COL26A1: variants seen among roughly 807,000 people sequenced by gnomAD.
COL26A1 encodes collagen type XXVI alpha 1 chain, also known as collagen alpha-1(XXVI) chain.
In COL26A1, 41 loss-of-function variants were observed where a neutral mutation model predicts 59.3. That is an observed-to-expected ratio of 0.69 (90% CI 0.54 to 0.90). The LOEUF (loss-of-function observed/expected upper bound fraction) is 0.90. Ranked by LOEUF, COL26A1 falls within the 40% of genes least tolerant of loss-of-function variation. The probability of loss-of-function intolerance (pLI) is 0.00; values close to 1 mark genes in which losing one functional copy is unlikely to be tolerated. For synonymous variants in COL26A1, 266 were observed against 256.0 expected, an observed-to-expected ratio of 1.04 and a Z score of -0.37; for missense variants, 612 against 602.3, an observed-to-expected ratio of 1.02 and a Z score of -0.17.
intron 2 of COL26A1, among the ~76,000 whole-genome samples, chr7:101,431,983 T>TG (rs71301279): frequency 6.6e-6 from 1 of 150,886 alleles, no homozygotes; most frequent in Non-Finnish European, 1.5e-5. Flanking sequence ...TTTTTTTTTT[T>TG]GGAGACGAAG....
chr7:101,449,092 G>T (rs764368077), intron 3 of COL26A1, among the ~76,000 whole-genome samples: 1 of 152,216 alleles, frequency 6.6e-6, no homozygotes, highest in Non-Finnish European at 1.5e-5. Context: ...CCTGATGCTG[G>T]CAGGGGAGGC....
chr7:101,513,976 C>T (rs1794977610), intron 3 of COL26A1, among the ~76,000 whole-genome samples: 1 of 152,034 alleles, frequency 6.6e-6, no homozygotes, highest in Non-Finnish European at 1.5e-5. Context: ...AGTGGGGAAA[C>T]AGAAATGGCT....
At chr7:101,455,802 C>T (rs932870475) in intron 3 of COL26A1, among the ~76,000 whole-genome samples, 1 of 152,188 alleles carries the variant, frequency 6.6e-6, no homozygotes, top group South Asian at 2.1e-4. Context: ...CCTGCCTCAG[C>T]CTCCCAAGTA....
intron 2 of COL26A1, among the ~76,000 whole-genome samples, chr7:101,428,805 GC>G (rs1157895817): frequency 6.6e-6 from 1 of 152,012 alleles, no homozygotes; most frequent in Admixed American, 6.6e-5. Flanking sequence ...ACCGCACCTG[GC>G]CCGCAAATAA....
chr7:101,477,601 C>T (rs1447898907), intron 3 of COL26A1, among the ~76,000 whole-genome samples: 1 of 152,152 alleles, frequency 6.6e-6, no homozygotes, highest in Non-Finnish European at 1.5e-5. Flanking sequence ...TCCCAGTTTT[C>T]AGTATAGTTC....
chr7:101,433,974 G>A (rs1451164099), intron 2 of COL26A1, among the ~76,000 whole-genome samples: 1 of 151,152 alleles, frequency 6.6e-6, no homozygotes, highest in East Asian at 1.9e-4. Context: ...GAGATGAAAG[G>A]AAAATAGGTA....
chr7:101,486,250 T>G (rs1794266460), intron 3 of COL26A1, among the ~76,000 whole-genome samples: 1 of 152,066 alleles, frequency 6.6e-6, no homozygotes, highest in African/African-American at 2.4e-5. Flanking sequence ...CTGGGCATAG[T>G]TGACCCTTGG....
chr7:101,502,248 G>A (rs7795958), intron 3 of COL26A1, among the ~76,000 whole-genome samples: 26,442 of 152,032 alleles, frequency 0.17, 4,923 homozygotes, highest in African/African-American at 0.47. Flanking sequence ...AGGCTGAGGC[G>A]GGGGAATCAC....
In COL26A1 at chr7:101,393,978, A is replaced by C. The variant is rs556733556; in HGVS notation, c.159-25999A>C. Among the ~76,000 whole-genome samples, 8 of 151,646 alleles carry C rather than the reference A, an allele frequency of 5.3e-5. No individual in the cohort carries two copies. In the South Asian group the frequency reaches 1.3e-3, roughly 24 times the overall value. On this transcript the variant is annotated intron_variant, in intron 1 of 12. Coordinates refer to ENST00000313669, the MANE Select transcript of COL26A1 (RefSeq NM_001278563.3). ...TTTTTTTTAGAGATGGGATCTTGCT[A>C]TGTTGCCCAGGCTGGTCTCAAACTT...
chr7:101,435,431 A>T (rs35396835), intron 2 of COL26A1, among the ~76,000 whole-genome samples: 63,944 of 151,834 alleles, frequency 0.42, 15,265 homozygotes, highest in Admixed American at 0.55. Flanking sequence ...GCTGGACTGG[A>T]CTGGGTGACT....
At chr7:101,388,707 G>C (rs116698949) in intron 1 of COL26A1, among the ~76,000 whole-genome samples, 8,674 of 151,942 alleles carry the variant, frequency 0.057, 280 homozygotes, top group Non-Finnish European at 0.076. Context: ...GGGACTAGGG[G>C]CACAGCCACT....
chr7:101,374,471 C>A (rs536454137), intron 1 of COL26A1, among the ~76,000 whole-genome samples: 2 of 152,346 alleles, frequency 1.3e-5, no homozygotes, highest in Non-Finnish European at 2.9e-5. Flanking sequence ...AGCTTCATCT[C>A]TACAGCTGCT....
At chr7:101,530,484 C>T (rs1227276588) in intron 3 of COL26A1, among the ~76,000 whole-genome samples, 1 of 145,982 alleles carries the variant, frequency 6.9e-6, no homozygotes, top group Non-Finnish European at 1.5e-5. Flanking sequence ...AGGAGAATCA[C>T]TTGAACTTGA....
At chr7:101,524,285 A>C (rs1024111409) in intron 3 of COL26A1, among the ~76,000 whole-genome samples, 2 of 152,064 alleles carry the variant, frequency 1.3e-5, no homozygotes, top group Non-Finnish European at 2.9e-5. Context: ...AAAAAAAAAA[A>C]AACGACTATT....
intron 1 of COL26A1, among the ~76,000 whole-genome samples, chr7:101,386,455 C>T (rs529856357): frequency 2.0e-5 from 3 of 152,180 alleles, no homozygotes; most frequent in Admixed American, 1.3e-4. Context: ...GGGTTTCACT[C>T]TGTTGCCCAG....
chr7:101,384,124 C>G (rs1791511044), intron 1 of COL26A1, among the ~76,000 whole-genome samples: 1 of 152,156 alleles, frequency 6.6e-6, no homozygotes, highest in Admixed American at 6.6e-5. Context: ...GGTGATCCTC[C>G]CATCCCAGCC....
At chr7:101,541,749 T>C (rs1795621600) in intron 5 of COL26A1, among the ~76,000 whole-genome samples, 1 of 152,160 alleles carries the variant, frequency 6.6e-6, no homozygotes, top group Non-Finnish European at 1.5e-5. Flanking sequence ...ACCTTTGCTT[T>C]AATCACAATT....
chr7:101,413,864 C>G (rs1246772195), intron 1 of COL26A1, among the ~76,000 whole-genome samples: 1 of 152,178 alleles, frequency 6.6e-6, no homozygotes, highest in Non-Finnish European at 1.5e-5. Context: ...GGACATGTGT[C>G]TCCTGCTAAG....
At chr7:101,370,510 A>T (rs934211071) in intron 1 of COL26A1, among the ~76,000 whole-genome samples, 2 of 151,944 alleles carry the variant, frequency 1.3e-5, no homozygotes, top group African/African-American at 4.8e-5. Flanking sequence ...AGCTGGTATT[A>T]CAGGCATGCA....
Sources: allele counts gnomAD v4.1 joint callset (sites outside exome capture counted in the v4.1 genomes callset), GRCh38; gene constraint gnomAD v4.1.1; transcripts MANE v1.5; gene names NCBI Gene and HGNC (gene_info 2026-07-23, HGNC 2026-07-21).